Variants in TNFSF4 observed in about 807,000 individuals in gnomAD.
TNFSF4 encodes tumor necrosis factor ligand superfamily member 4.
TNFSF4 carries 4 observed loss-of-function variants against 7.3 expected under a neutral mutation model. The ratio of observed to expected loss-of-function variants is 0.55; its 90% CI spans 0.27 to 1.25. TNFSF4 has a LOEUF of 1.25. Ranked by LOEUF, TNFSF4 falls within the 50% of genes most tolerant of loss-of-function variation. TNFSF4 has a pLI of 0.12. For missense variants in TNFSF4, 181 were observed against 208.8 expected, an observed-to-expected ratio of 0.87 and a Z score of 0.82; for synonymous variants, 76 against 83.7, an observed-to-expected ratio of 0.91 and a Z score of 0.50.
At chr1:173,237,742 T>A in the TNFSF4 span, among the ~76,000 whole-genome samples, 1 of 152,094 alleles carries the variant, frequency 6.6e-6, no homozygotes, top group Non-Finnish European at 1.5e-5. Context: ...AAAACTCTGC[T>A]CAAAGAAATC....
chr1:173,364,381 G>GTATA, the TNFSF4 span, among the ~76,000 whole-genome samples: 11 of 140,796 alleles, frequency 7.8e-5, no homozygotes, highest in East Asian at 1.2e-3. Flanking sequence ...GGGTGTATGT[G>GTATA]TATATATATA....
At chr1:173,176,102 T>A in the TNFSF4 span, among the ~76,000 whole-genome samples, 1 of 152,216 alleles carries the variant, frequency 6.6e-6, no homozygotes, top group Non-Finnish European at 1.5e-5. Flanking sequence ...ATCAAAAAGT[T>A]GTGGACAGGT....
At chr1:173,225,599 G>A in the TNFSF4 span, among the ~76,000 whole-genome samples, 3 of 152,178 alleles carry the variant, frequency 2.0e-5, no homozygotes, top group Non-Finnish European at 4.4e-5. Context: ...GGTGTTTTAA[G>A]TATTCTCTGA....
the TNFSF4 span, among the ~76,000 whole-genome samples, chr1:173,302,099 A>T: frequency 2.0e-5 from 3 of 151,920 alleles, no homozygotes; most frequent in Non-Finnish European, 4.4e-5. Context: ...TAGTACTGTG[A>T]GACCCTGTGC....
At chr1:173,354,006 G>A in the TNFSF4 span, among the ~76,000 whole-genome samples, 3 of 149,364 alleles carry the variant, frequency 2.0e-5, no homozygotes, top group African/African-American at 4.9e-5. Flanking sequence ...GAAGGAGGTC[G>A]AGACACACAC....
At chr1:173,299,978 C>T in the TNFSF4 span, among the ~76,000 whole-genome samples, 1 of 151,724 alleles carries the variant, frequency 6.6e-6, no homozygotes, top group Admixed American at 6.6e-5. Context: ...TACTTTTAGG[C>T]TAATTTCTCT....
intron 1 of TNFSF4, among the ~76,000 whole-genome samples, chr1:173,191,556 C>A (rs1034088351): frequency 1.3e-5 from 2 of 152,168 alleles, no homozygotes; most frequent in Non-Finnish European, 2.9e-5. Context: ...CTGGCTCCAA[C>A]CTCATTGTCA....
chr1:173,275,089 A>T, the TNFSF4 span, among the ~76,000 whole-genome samples: 2 of 152,252 alleles, frequency 1.3e-5, no homozygotes, highest in East Asian at 3.9e-4. Flanking sequence ...GTTGGAAAGG[A>T]AACAACAAGC....
At chr1:173,372,784 C>T in the TNFSF4 span, among the ~76,000 whole-genome samples, 1 of 152,172 alleles carries the variant, frequency 6.6e-6, no homozygotes, top group East Asian at 1.9e-4. Flanking sequence ...CTTAACCCTG[C>T]TACTTTTCTC....
chr1:173,202,788 C>A (rs1411892099), intron 1 of TNFSF4, among the ~76,000 whole-genome samples: 2 of 152,176 alleles, frequency 1.3e-5, no homozygotes, highest in Non-Finnish European at 2.9e-5. Context: ...GAACACTCAA[C>A]TTGAGCTATT....
chr1:173,362,439 G>A, the TNFSF4 span: 1 of 489,396 alleles, frequency 2.0e-6, no homozygotes. Context: ...GAGTCTTTTT[G>A]GTAGCTTTTA....
chr1:173,375,094 C>T, the TNFSF4 span, among the ~76,000 whole-genome samples: 1 of 152,186 alleles, frequency 6.6e-6, no homozygotes, highest in African/African-American at 2.4e-5. Context: ...ATGGCTTCTC[C>T]CCTTTCTAGG....
At chr1:173,439,795 A>C in the TNFSF4 span, among the ~76,000 whole-genome samples, 1 of 152,118 alleles carries the variant, frequency 6.6e-6, no homozygotes, top group African/African-American at 2.4e-5. Context: ...CCAAACACAA[A>C]ATTTCTAAAC....
the TNFSF4 span, among the ~76,000 whole-genome samples, chr1:173,344,697 A>G: frequency 1.3e-5 from 2 of 152,220 alleles, no homozygotes; most frequent in East Asian, 3.8e-4. Context: ...CATTTTAATA[A>G]CCCTAAGAAA....
the TNFSF4 span, among the ~76,000 whole-genome samples, chr1:173,344,102 A>T: frequency 5.3e-5 from 8 of 152,106 alleles, no homozygotes; most frequent in Admixed American, 3.3e-4. Context: ...TTTTTCCTAA[A>T]TTTCACTCCC....
At chr1:173,406,491 G>C in the TNFSF4 span, among the ~76,000 whole-genome samples, 1 of 151,986 alleles carries the variant, frequency 6.6e-6, no homozygotes, top group Non-Finnish European at 1.5e-5. Context: ...TAACTTCCAT[G>C]AGTCCTAGGC....
At chr1:173,256,530 G>A in the TNFSF4 span, among the ~76,000 whole-genome samples, 1 of 152,260 alleles carries the variant, frequency 6.6e-6, no homozygotes, top group Admixed American at 6.5e-5. Context: ...GGGGGCTAGG[G>A]CTTCAACACA....
At chr1:173,312,429 GTC>G in the TNFSF4 span, among the ~76,000 whole-genome samples, 1 of 151,542 alleles carries the variant, frequency 6.6e-6, no homozygotes, top group Middle Eastern at 3.4e-3. Context: ...TTAATTTCTT[GTC>G]TCTCTCTTTT....
chr1:173,340,203 A>G, the TNFSF4 span, among the ~76,000 whole-genome samples: 5 of 152,096 alleles, frequency 3.3e-5, no homozygotes, highest in Admixed American at 6.5e-5. Flanking sequence ...CGAGCCTAGT[A>G]TCCTCAGGAA....
Sources: gnomAD v4.1 joint callset for allele counts (sites outside exome capture counted in the v4.1 genomes callset) on GRCh38, gnomAD v4.1.1 for gene constraint, MANE v1.5 for transcripts, NCBI Gene and HGNC (gene_info 2026-07-23, HGNC 2026-07-21) for gene names.